Variants in BRINP2 observed in about 807,000 individuals in gnomAD.
The protein encoded by BRINP2 is BMP/retinoic acid-inducible neural-specific protein 2.
Under a neutral mutation model 69.2 loss-of-function variants are expected in BRINP2, and 21 were observed. The ratio of observed to expected loss-of-function variants is 0.30; its 90% CI spans 0.22 to 0.44. The LOEUF is 0.44. Ranked by LOEUF, BRINP2 falls within the 20% of genes least tolerant of loss-of-function variation. BRINP2 has a pLI of 1.00. For missense variants in BRINP2, 877 were observed against 986.0 expected (o/e 0.89, Z 1.48); for synonymous variants, 380 against 394.1 (o/e 0.96, Z 0.42).
intron 2 of BRINP2, among the ~76,000 whole-genome samples, chr1:177,253,318 A>G (rs1650641319): frequency 6.6e-6 from 1 of 152,142 alleles, no homozygotes; most frequent in Non-Finnish European, 1.5e-5. Flanking sequence ...GCATTTTATC[A>G]TATACCTGCT....
intron 7 of BRINP2, 120 bp from the exon 8 acceptor site, chr1:177,280,292 G>C (rs1651646644): frequency 1.9e-6 from 2 of 1,048,314 alleles, no homozygotes; most frequent in African/African-American, 1.6e-5. Context: ...CAGAGATCTT[G>C]GGGATTTTAT....
intron 2 of BRINP2, among the ~76,000 whole-genome samples, chr1:177,250,932 T>C (rs896338758): frequency 2.0e-5 from 3 of 152,260 alleles, no homozygotes; most frequent in Non-Finnish European, 2.9e-5. Context: ...AAGATAATTA[T>C]ATTTTCCCCC....
At chr1:177,210,521 A>G (rs574850089) in intron 1 of BRINP2, among the ~76,000 whole-genome samples, 42 of 152,214 alleles carry the variant, frequency 2.8e-4, no homozygotes, top group Non-Finnish European at 5.6e-4. Context: ...ATATATAGGA[A>G]TGGATGAAAT....
At chr1:177,222,894 A>G (rs1649580294) in intron 1 of BRINP2, among the ~76,000 whole-genome samples, 1 of 152,006 alleles carries the variant, frequency 6.6e-6, no homozygotes, top group Non-Finnish European at 1.5e-5. Context: ...GGCCGCAAGG[A>G]GTGGCTGGGG....
intron 1 of BRINP2, among the ~76,000 whole-genome samples, chr1:177,172,602 G>A (rs1647970912): frequency 6.6e-6 from 1 of 152,148 alleles, no homozygotes; most frequent in Non-Finnish European, 1.5e-5. Context: ...TTCCAGCCCA[G>A]AGGACTCTTC....
At chr1:177,184,581 A>C (rs932239636) in intron 1 of BRINP2, among the ~76,000 whole-genome samples, 2 of 152,138 alleles carry the variant, frequency 1.3e-5, no homozygotes, top group Admixed American at 6.5e-5. Flanking sequence ...CGAAGAGGCC[A>C]AGTAGTATGT....
intron 1 of BRINP2, among the ~76,000 whole-genome samples, chr1:177,197,388 C>T (rs1648777704): frequency 6.6e-6 from 1 of 152,156 alleles, no homozygotes; most frequent in Admixed American, 6.5e-5. Context: ...ATCCAATCAC[C>T]TCCCAACCAG....
intron 2 of BRINP2, among the ~76,000 whole-genome samples, chr1:177,250,490 C>A (rs751867158): frequency 2.0e-5 from 3 of 152,196 alleles, no homozygotes; most frequent in Non-Finnish European, 4.4e-5. Flanking sequence ...TTGCGCCCGG[C>A]TAATTTTTGT....
intron 2 of BRINP2, among the ~76,000 whole-genome samples, chr1:177,254,378 GCA>G (rs71565492): frequency 0.14 from 19,642 of 143,452 alleles, 1,267 homozygotes; most frequent in African/African-American, 0.17. Flanking sequence ...AAGCACACAT[GCA>G]CACACACACA....
chr1:177,255,219 G>A lies in BRINP2; in HGVS notation c.270-700G>A, dbSNP rs1044660721. Among the ~76,000 whole-genome samples the A allele has an allele frequency of 3.9e-5, 6 of 152,302 alleles. 1 individual carries two copies. The South Asian group carries it at 1.2e-3, about 32-fold the overall frequency. ...TTTCTGCTAAGCCTGATATTAAAGA[G>A]ATTTGCAAACATGCAAAGCCATGCC... On this transcript the variant is annotated intron_variant, in intron 2 of 7. Coordinates refer to ENST00000361539, the MANE Select transcript of BRINP2 (RefSeq NM_021165.4).
chr1:177,177,561 G>A (rs1325118083), intron 1 of BRINP2, among the ~76,000 whole-genome samples: 1 of 152,038 alleles, frequency 6.6e-6, no homozygotes, highest in Admixed American at 6.5e-5. Flanking sequence ...TCCATTCAAG[G>A]TTTTTCATAA....
rs769298642 is a variant in BRINP2 at position 177,257,312 on chromosome 1, C to T, written c.597C>T (p.Ala199=). ...VSLETLHQLA[A]SYFIDRESTL... ...TGGAGACCCTGCACCAGCTGGCCGC[C>T]TCCTACTTCATCGACAGAGAGAGCA... Residue 199 remains alanine (A), a synonymous_variant, in exon 4 of 8, where the codon GCC becomes GCT. Coordinates refer to ENST00000361539, the MANE Select transcript of BRINP2 (RefSeq NM_021165.4). 3.1e-6 allele frequency: 5 copies of T among 1,614,084 alleles called. No homozygotes were observed. The highest frequency in any genetic ancestry group is 1.3e-5 in the African/African-American group (1 of 74,994).
intron 1 of BRINP2, among the ~76,000 whole-genome samples, chr1:177,173,705 A>C (rs1032043784): frequency 1.3e-5 from 2 of 152,214 alleles, no homozygotes; most frequent in African/African-American, 4.8e-5. Context: ...AGGGCAAAGA[A>C]CAACCCTGTG....
At chr1:177,216,459 T>C (rs1344654713) in intron 1 of BRINP2, among the ~76,000 whole-genome samples, 5 of 152,120 alleles carry the variant, frequency 3.3e-5, no homozygotes, top group Non-Finnish European at 7.4e-5. Flanking sequence ...TGACAATTTA[T>C]TTCAGTAACT....
At chr1:177,257,410 G>A (rs1256869066) in intron 4 of BRINP2, 26 bp downstream of exon 4, 2 of 1,570,890 alleles carry the variant, frequency 1.3e-6, no homozygotes, top group African/African-American at 1.4e-5. Context: ...GTACAGGGAA[G>A]GGGATGGGGG....
chr1:177,207,993 G>A (rs908204935), intron 1 of BRINP2, among the ~76,000 whole-genome samples: 1 of 152,212 alleles, frequency 6.6e-6, no homozygotes, highest in South Asian at 2.1e-4. Context: ...AGTGGATTGA[G>A]GGGTGTAGAA....
intron 1 of BRINP2, among the ~76,000 whole-genome samples, chr1:177,203,546 G>T (rs1648983060): frequency 6.6e-6 from 1 of 151,610 alleles, no homozygotes; most frequent in Non-Finnish European, 1.5e-5. Flanking sequence ...AAAACAATAT[G>T]AAATAAAGGA....
At chr1:177,211,347 T>C (rs1649217263) in intron 1 of BRINP2, among the ~76,000 whole-genome samples, 1 of 152,184 alleles carries the variant, frequency 6.6e-6, no homozygotes, top group Non-Finnish European at 1.5e-5. Context: ...ATAACTCTCA[T>C]GGGCCCTTCA....
At chr1:177,251,620 C>T (rs1650584667) in intron 2 of BRINP2, among the ~76,000 whole-genome samples, 1 of 152,168 alleles carries the variant, frequency 6.6e-6, no homozygotes, top group South Asian at 2.1e-4. Context: ...GGCCAGGACA[C>T]TAGCTTTTTG....
Sources: allele counts gnomAD v4.1 joint callset (sites outside exome capture counted in the v4.1 genomes callset), GRCh38; gene constraint gnomAD v4.1.1; transcripts MANE v1.5; gene names NCBI Gene and HGNC (gene_info 2026-07-23, HGNC 2026-07-21).